The following SYNPO2L variants were observed in gnomAD, a reference collection of about 807,000 sequenced individuals.
SYNPO2L encodes synaptopodin 2-like protein.
Under a neutral mutation model 47.5 loss-of-function variants are expected in SYNPO2L, and 34 were observed. The observed-to-expected ratio is 0.72, with a 90% CI of 0.54 to 0.95. SYNPO2L has a LOEUF of 0.95. SYNPO2L is among the 40% of genes least tolerant of loss of function. The probability of loss-of-function intolerance (pLI) is 0.00; values close to 1 mark genes in which losing one functional copy is unlikely to be tolerated. For missense variants in SYNPO2L, 1,246 were observed against 1,282.0 expected, an observed-to-expected ratio of 0.97 and a Z score of 0.43; for synonymous variants, 536 against 524.9, an observed-to-expected ratio of 1.02 and a Z score of -0.29.
intron 1 of SYNPO2L, among the ~76,000 whole-genome samples, chr10:73,655,451 G>A (rs960424064): frequency 3.9e-5 from 6 of 152,124 alleles, no homozygotes; most frequent in African/African-American, 1.4e-4. Flanking sequence ...AGTTTAGTCA[G>A]AGAGAAATTA....
chr10:73,648,429 AC>A lies in SYNPO2L; in HGVS notation c.1222del (p.Val408SerfsTer37), dbSNP rs1361601916. ...ADSSTQELAR[V>X]EPAAMLNGEG... The stretch of plus-strand genomic sequence containing the variant: ...CCCGTTGAGCATGGCTGCTGGTTCG[AC>A]CCGTGCCAGTTCCTGGGTGCTGGAG... On this transcript the variant is annotated frameshift_variant, in exon 4 of 4. Coordinates refer to ENST00000394810, the MANE Select transcript of SYNPO2L (RefSeq NM_001114133.3). LOFTEE classifies it low-confidence loss of function (END_TRUNC). 6.2e-7 allele frequency: 1 copy of A among 1,608,570 alleles called. No homozygotes were observed. The highest frequency in any genetic ancestry group is 1.1e-5 in the South Asian group (1 of 91,084).
At chr10:73,654,875 G>T (rs540346935) in intron 1 of SYNPO2L, among the ~76,000 whole-genome samples, 2 of 152,122 alleles carry the variant, frequency 1.3e-5, no homozygotes, top group South Asian at 4.2e-4. Flanking sequence ...GAAAGAAATG[G>T]TGATTATCTC....
rs565940911 is a variant in SYNPO2L, at chr10:73,649,758, C to T, written c.773-879G>A. On this transcript the variant is annotated intron_variant, in intron 3 of 3. Coordinates refer to ENST00000394810, the MANE Select transcript of SYNPO2L (RefSeq NM_001114133.3). ...TTTAGACAGAAGTTAAAGTTGATCT[C>T]GGCCTTCCAACTGCCAGGGCAGTCC... 1.7e-4 allele frequency: 170 copies of T among 985,422 alleles called. No individual in the cohort carries two copies. The African/African-American group carries it at 2.2e-3, about 13-fold the overall frequency. The allele number at this position is 985,422 out of a possible 1,614,324, so 61.0% of individuals were successfully genotyped here.
In SYNPO2L at chr10:73,644,905, C is replaced by G. The variant is rs1250482216; in HGVS notation, c.*1813G>C. On this transcript the variant is annotated 3_prime_UTR_variant, in exon 4 of 4. Transcript: ENST00000394810. ...AGAAGGTATGGGGCATAAATTTATTCTTGTGCACAAACCAAAGTATTGTGA... is the reference window on the plus strand; with the variant it reads ...AGAAGGTATGGGGCATAAATTTATTGTTGTGCACAAACCAAAGTATTGTGA... The G allele has an allele frequency of 1.2e-6, 1 of 855,780 alleles. No homozygotes were observed. Among genetic ancestry groups the G allele is most frequent in the Non-Finnish European group, 1.6e-6 (1 of 631,900 alleles). 53.0% of individuals were successfully genotyped at this position (855,780 alleles called of 1,614,324 possible). A position where few individuals can be genotyped will look rare whatever the true frequency, so the allele number is the denominator to read the frequency against.
In SYNPO2L at chr10:73,646,960, T is replaced by C. The variant is rs753619149; in HGVS notation, c.2692A>G (p.Thr898Ala). ...RRFSTPAPQP[T>A]AEPLAPTVLA... The stretch of plus-strand genomic sequence containing the variant: ...ACAGTGGGAGCCAGGGGTTCTGCAG[T>C]GGGCTGGGGTGCCGGAGTGGAAAAC... The change falls in exon 4 of 4, where the codon ACT becomes GCT. Residue 898 changes from threonine to alanine, a missense_variant. This residue lies in a region of SYNPO2L where 1,037 missense variants were observed against 1,021.5 expected (regional missense o/e 1.02). Coordinates refer to ENST00000394810, the MANE Select transcript of SYNPO2L (RefSeq NM_001114133.3). The C allele has an allele frequency of 6.2e-7, 1 of 1,608,564 alleles. No homozygotes were observed. Among genetic ancestry groups the C allele is most frequent in the Non-Finnish European group, 8.5e-7 (1 of 1,176,554 alleles).
Position 73,653,246 on chromosome 10 carries a change from T to C in SYNPO2L, c.665A>G (p.His222Arg). The change falls in exon 3 of 4, where the codon CAT becomes CGT. Residue 222 changes from histidine to arginine, a missense_variant. His to Arg is a conservative substitution (Grantham distance 29). Coordinates refer to ENST00000394810, the MANE Select transcript of SYNPO2L (RefSeq NM_001114133.3). ...PPPAEALLLPHGPLRPGPHLI... is the reference protein window; with the variant it reads ...PPPAEALLLPRGPLRPGPHLI... The stretch of plus-strand genomic sequence containing the variant: ...ATGAGGACCAGGTCGGAGGGGGCCA[T>C]GGGGTAACAGCAGAGCCTCAGCTGG... 1 of 1,540,850 alleles carries C rather than the reference T, an allele frequency of 6.5e-7. No homozygotes were observed. The highest frequency in any genetic ancestry group is 1.7e-4 in the Middle Eastern group (1 of 5,910).
Position 73,647,176 on chromosome 10 carries a change from G to C in SYNPO2L, c.2476C>G (p.Arg826Gly), listed in dbSNP as rs1398808712. The change falls in exon 4 of 4, where the codon CGA becomes GGA. Residue 826 changes from arginine to glycine, a missense_variant. Arg to Gly is a moderately radical substitution (Grantham distance 125). Coordinates refer to ENST00000394810, the MANE Select transcript of SYNPO2L (RefSeq NM_001114133.3). Reference sequence around the variant, plus strand: ...TGGGATTGGGCCTTAGGGAGAGTTCGGGCCGCCTGGGGGAAAAAGGGAGAG... The same window carrying C: ...TGGGATTGGGCCTTAGGGAGAGTTCCGGCCGCCTGGGGGAAAAAGGGAGAG... ...LLSPFFPQAARTLPKAQSQGP... is the reference protein window; with the variant it reads ...LLSPFFPQAAGTLPKAQSQGP... The C allele has an allele frequency of 1.9e-6, 3 of 1,613,818 alleles. No homozygotes were observed. Among genetic ancestry groups the C allele is most frequent in the Non-Finnish European group, 1.7e-6 (2 of 1,179,904 alleles).
In SYNPO2L at chr10:73,644,988, T is replaced by C. The variant is rs772404601; in HGVS notation, c.*1730A>G. 8.0e-7 allele frequency: 1 copy of C among 1,242,508 alleles called. No individual in the cohort carries two copies. Among genetic ancestry groups the C allele is most frequent in the South Asian group, 1.4e-5 (1 of 70,414 alleles). 77.0% of individuals were successfully genotyped at this position (1,242,508 alleles called of 1,614,324 possible). A position where few individuals can be genotyped will look rare whatever the true frequency, so the allele number is the denominator to read the frequency against. Reference sequence around the variant, plus strand: ...TTCCAGATTACACAGCAAACGTAGCTGGTGGTGGTCTTGGTGAGAAGGGAG... The same window carrying C: ...TTCCAGATTACACAGCAAACGTAGCCGGTGGTGGTCTTGGTGAGAAGGGAG... On this transcript the variant is annotated 3_prime_UTR_variant, in exon 4 of 4. Coordinates refer to ENST00000394810, the MANE Select transcript of SYNPO2L (RefSeq NM_001114133.3).
chr10:73,652,066 CA>C (rs1178972762), intron 3 of SYNPO2L, among the ~76,000 whole-genome samples: 694 of 47,698 alleles, frequency 0.015, 1 homozygote, highest in African/African-American at 0.027. Context: ...GACTCTATCT[CA>C]AAAAAAAAAA....
chr10:73,654,257 GC>G lies in SYNPO2L; in HGVS notation c.128del (p.Gly43AlafsTer28). ...VSKIRRRSQA[G>X]RAGLRERDQL... is the part of the protein sequence containing the mutation. ...GGTCCCTCTCTCGGAGTCCTGCTCTGCCAGCCTGGCTCCGTCTTCGAATCTG... is the reference window on the plus strand; with the variant it reads ...GGTCCCTCTCTCGGAGTCCTGCTCTGCAGCCTGGCTCCGTCTTCGAATCTG... On this transcript the variant is annotated frameshift_variant, in exon 2 of 4. Coordinates refer to ENST00000394810, the MANE Select transcript of SYNPO2L (RefSeq NM_001114133.3). LOFTEE classifies it high-confidence loss of function. 1 of 1,551,622 alleles carries G rather than the reference GC, an allele frequency of 6.4e-7. No homozygotes were observed. Among genetic ancestry groups the G allele is most frequent in the Non-Finnish European group, 8.7e-7 (1 of 1,146,990 alleles).
At position 73,655,849 on chromosome 10, in the gene SYNPO2L, G is replaced by GC. The variant is rs759367320; in HGVS notation, c.73dup (p.Ala25GlyfsTer11). The stretch of plus-strand genomic sequence containing the variant: ...CACCTGTAACGGTTTCCTCTGCTCG[G>GC]CCCCCCCATGAAGTCGGAAGCCCCA... On this transcript the variant is annotated frameshift_variant, in exon 1 of 4. Coordinates refer to ENST00000394810, the MANE Select transcript of SYNPO2L (RefSeq NM_001114133.3). LOFTEE classifies it high-confidence loss of function. The GC allele has an allele frequency of 1.6e-5, 25 of 1,550,400 alleles. No individual in the cohort carries two copies. Among genetic ancestry groups the GC allele is most frequent in the African/African-American group, 8.3e-5 (6 of 72,622 alleles).
Position 73,654,257 on chromosome 10 carries a change from G to T in SYNPO2L, c.129C>A (p.Gly43=). ...VSKIRRRSQA[G]RAGLRERDQL... Reference sequence around the variant, plus strand: ...GGTCCCTCTCTCGGAGTCCTGCTCTGCCAGCCTGGCTCCGTCTTCGAATCT... The same window carrying T: ...GGTCCCTCTCTCGGAGTCCTGCTCTTCCAGCCTGGCTCCGTCTTCGAATCT... The change falls in exon 2 of 4, where the codon GGC becomes GGA. Residue 43 remains glycine, a synonymous_variant. Transcript: ENST00000394810. 6.4e-7 allele frequency: 1 copy of T among 1,551,622 alleles called. No individual in the cohort carries two copies. Among genetic ancestry groups the T allele is most frequent in the Non-Finnish European group, 8.7e-7 (1 of 1,146,990 alleles).
intron 1 of SYNPO2L, among the ~76,000 whole-genome samples, chr10:73,654,705 T>A (rs1219122165): frequency 6.6e-6 from 1 of 151,938 alleles, no homozygotes; most frequent in African/African-American, 2.4e-5. Flanking sequence ...CAGCTGGCCG[T>A]GGTGGTGTGC....
At position 73,655,894 on chromosome 10, in the gene SYNPO2L, G is replaced by T. The variant is rs2081875817; in HGVS notation, c.29C>A (p.Thr10Lys). The change falls in exon 1 of 4, where the codon ACA becomes AAA. Residue 10 changes from threonine to lysine, a missense_variant. This residue lies in a region of SYNPO2L where 61 missense variants were observed against 55.6 expected (regional missense o/e 1.10). Transcript: ENST00000394810. MGAEEEVLV[T>K]LSGGAPWGFR... ...GCCCCAGGGGGCTCCCCCTGATAGT[G>T]TGACCAGCACCTCCTCCTCAGCACC... 6.4e-7 allele frequency: 1 copy of T among 1,551,132 alleles called. No homozygotes were observed. Among genetic ancestry groups the T allele is most frequent in the African/African-American group, 1.4e-5 (1 of 72,858 alleles).
In SYNPO2L at chr10:73,646,345, G is replaced by T; in HGVS notation, c.*373C>A. ...GGTGAGCTTCTTGCCTGAAGTCCCA[G>T]TGGTCACTTCTGCTCTGTTTACTTC... is the stretch of plus-strand genomic sequence containing the variant. On this transcript the variant is annotated 3_prime_UTR_variant, in exon 4 of 4. Coordinates refer to ENST00000394810, the MANE Select transcript of SYNPO2L (RefSeq NM_001114133.3). 2 of 1,004,062 alleles carry T rather than the reference G, an allele frequency of 2.0e-6. No individual in the cohort carries two copies. The highest frequency in any genetic ancestry group is 2.4e-6 in the Non-Finnish European group (2 of 843,294). The allele number at this position is 1,004,062 out of a possible 1,614,324, so 62.2% of individuals were successfully genotyped here.
chr10:73,648,208 T>C lies in SYNPO2L; in HGVS notation c.1444A>G (p.Thr482Ala). 6.3e-7 allele frequency: 1 copy of C among 1,576,732 alleles called. No individual in the cohort carries two copies. Among genetic ancestry groups the C allele is most frequent in the Non-Finnish European group, 8.6e-7 (1 of 1,163,576 alleles). ...AAAGGCCGGAAAATAACCGAGGTGGTAGTTGGCCGCTGCCCTTGTAGGCCC... is the reference window on the plus strand; with the variant it reads ...AAAGGCCGGAAAATAACCGAGGTGGCAGTTGGCCGCTGCCCTTGTAGGCCC... ...TPGLQGQRPT[T>A]TSVIFRPLAP... Residue 482 changes from threonine to alanine, a missense_variant, in exon 4 of 4, where the codon ACC becomes GCC. By Grantham distance (58) the Thr-to-Ala change is moderately conservative. Transcript: ENST00000394810.
In SYNPO2L at chr10:73,647,900, T is replaced by C. The variant is rs760504758; in HGVS notation, c.1752A>G (p.Leu584=). 3.3e-6 allele frequency: 5 copies of C among 1,529,336 alleles called. No individual in the cohort carries two copies. Among genetic ancestry groups the C allele is most frequent in the African/African-American group, 1.4e-5 (1 of 71,828 alleles). 94.7% of individuals were successfully genotyped at this position (1,529,336 alleles called of 1,614,324 possible). Residue 584 remains leucine, a synonymous_variant, in exon 4 of 4, where the codon CTA becomes CTG. Coordinates refer to ENST00000394810, the MANE Select transcript of SYNPO2L (RefSeq NM_001114133.3). ...GCGCAGAGGGTCGCAAAGGCGCAGA[T>C]AGGAAGATAGAAGCGGTGGAGGTCA... ...AAMTSTASIF[L]SAPLRPSARP...
chr10:73,655,960 T>A lies in SYNPO2L; in HGVS notation c.-38A>T. 1.3e-6 allele frequency: 2 copies of A among 1,521,062 alleles called. No individual in the cohort carries two copies. Among genetic ancestry groups the A allele is most frequent in the South Asian group, 2.4e-5 (2 of 81,764 alleles). The allele number at this position is 1,521,062 out of a possible 1,614,324, so 94.2% of individuals were successfully genotyped here. A position where few individuals can be genotyped will look rare whatever the true frequency, so the allele number is the denominator to read the frequency against. ...CCTATGGCCCCCGGAGTTTGAACAG[T>A]GTCCCCAGGAGAGAAGTTGAGGTGC... On this transcript the variant is annotated 5_prime_UTR_variant, in exon 1 of 4. Transcript: ENST00000394810.
At position 73,646,571 on chromosome 10, in the gene SYNPO2L, T is replaced by G. The variant is rs562628569; in HGVS notation, c.*147A>C. On this transcript the variant is annotated 3_prime_UTR_variant, in exon 4 of 4. Transcript: ENST00000394810. ...GGGAGGTAGAGAGTGAGGAGGAAGG[T>G]GGGGGAAGGGGACATCAACTTGGAA... 3.6e-5 allele frequency: 47 copies of G among 1,297,204 alleles called. No homozygotes were observed. The East Asian group carries it at 1.2e-3, about 32-fold the overall frequency. 80.4% of individuals were successfully genotyped at this position (1,297,204 alleles called of 1,614,324 possible).
Sources: allele counts gnomAD v4.1 joint callset (sites outside exome capture counted in the v4.1 genomes callset), GRCh38; gene constraint gnomAD v4.1.1; regional missense constraint gnomAD v4.1.1; transcripts MANE v1.5; gene names NCBI Gene and HGNC (gene_info 2026-07-23, HGNC 2026-07-21).